The following AKR1C3 variants were observed in gnomAD, a reference collection of about 807,000 sequenced individuals.
The protein encoded by AKR1C3 is 3-alpha hydroxysteroid dehydrogenase, type II.
AKR1C3 carries 48 observed loss-of-function variants against 43.6 expected under a neutral mutation model. That is an observed-to-expected ratio of 1.10 (90% CI 0.87 to 1.40). The LOEUF (loss-of-function observed/expected upper bound fraction) is 1.40, where lower values mean the gene tolerates loss of function less well. AKR1C3 is among the 40% of genes most tolerant of loss of function. The probability of loss-of-function intolerance (pLI) is 0.00; values close to 1 mark genes in which losing one functional copy is unlikely to be tolerated. For missense variants in AKR1C3, 482 were observed against 391.2 expected (o/e 1.23, Z -1.96); for synonymous variants, 162 against 139.6 (o/e 1.16, Z -1.13).
chr10:5,055,433 G>C (rs558603514), intron 1 of AKR1C3, among the ~76,000 whole-genome samples: 1 of 152,330 alleles, frequency 6.6e-6, no homozygotes, highest in Admixed American at 6.5e-5. Flanking sequence ...TTGTCTGACA[G>C]CCATAAACTT....
intron 1 of AKR1C3, among the ~76,000 whole-genome samples, chr10:5,083,758 A>G (rs1838889842): frequency 6.6e-6 from 1 of 152,162 alleles, no homozygotes; most frequent in Admixed American, 6.5e-5. Context: ...TGACTGTTTA[A>G]TGATCACCAT....
At chr10:5,090,511 T>A (rs1374554303), upstream of AKR1C3, among the ~76,000 whole-genome samples, 1 of 152,098 alleles carries the variant, frequency 6.6e-6, no homozygotes, top group Admixed American at 6.6e-5. Context: ...TCTAAGGAAG[T>A]GATAATTGGG....
At chr10:5,057,640 T>G (rs1479668367) in intron 1 of AKR1C3, among the ~76,000 whole-genome samples, 2 of 152,224 alleles carry the variant, frequency 1.3e-5, no homozygotes, top group Non-Finnish European at 2.9e-5. Flanking sequence ...TTTTTTCTAA[T>G]TCTCCTTAGT....
At chr10:5,086,945 C>T (rs1187350946) in intron 1 of AKR1C3, among the ~76,000 whole-genome samples, 1 of 148,730 alleles carries the variant, frequency 6.7e-6, no homozygotes, top group Non-Finnish European at 1.5e-5. Flanking sequence ...CTTCCTCCAT[C>T]CCTTTATTTT....
Position 5,097,580 on chromosome 10 carries a change from G to A in AKR1C3, c.369+30G>A, listed in dbSNP as rs370856934. On this transcript the variant is annotated intron_variant, in intron 3 of 8. Coordinates refer to ENST00000380554, the MANE Select transcript of AKR1C3 (RefSeq NM_003739.6). ...GCAGTTTGTATGAGCATAAAATTGCGCTTCTGCTGTCATTATAAACATTGT... is the reference window on the plus strand; with the variant it reads ...GCAGTTTGTATGAGCATAAAATTGCACTTCTGCTGTCATTATAAACATTGT... The A allele has an allele frequency of 3.8e-5, 61 of 1,612,140 alleles. No individual in the cohort carries two copies. In the Middle Eastern group the frequency reaches 9.9e-4, roughly 26 times the overall value.
At chr10:5,080,049 G>A (rs1474181532) in intron 1 of AKR1C3, among the ~76,000 whole-genome samples, 2 of 152,098 alleles carry the variant, frequency 1.3e-5, no homozygotes, top group South Asian at 2.1e-4. Context: ...AATTGTGCAC[G>A]GCCTCTATAC....
chr10:5,050,534 A>G (rs531199324), intron 1 of AKR1C3, among the ~76,000 whole-genome samples: 1 of 151,722 alleles, frequency 6.6e-6, no homozygotes, highest in South Asian at 2.1e-4. Flanking sequence ...AGATGATGAG[A>G]TAATGTGTGA....
At chr10:5,090,517 T>G (rs1839067365), upstream of AKR1C3, among the ~76,000 whole-genome samples, 1 of 152,148 alleles carries the variant, frequency 6.6e-6, no homozygotes, top group South Asian at 2.1e-4. Context: ...GAAGTGATAA[T>G]TGGGGTAGAA....
chr10:5,053,106 C>T (rs1300550356), intron 1 of AKR1C3, among the ~76,000 whole-genome samples: 3 of 152,262 alleles, frequency 2.0e-5, no homozygotes, highest in African/African-American at 4.8e-5. Flanking sequence ...ATGCTGGGAC[C>T]GCAGGTGGAG....
At chr10:5,049,505 AGTTAC>A (rs1838108546) in intron 1 of AKR1C3, among the ~76,000 whole-genome samples, 1 of 152,228 alleles carries the variant, frequency 6.6e-6, no homozygotes, top group African/African-American at 2.4e-5. Context: ...GAACCTAACA[AGTTAC>A]GTTTAAATTA....
intron 3 of AKR1C3, among the ~76,000 whole-genome samples, chr10:5,098,370 C>A (rs375652837): frequency 5.4e-4 from 82 of 152,326 alleles, no homozygotes; most frequent in African/African-American, 1.9e-3. Flanking sequence ...CTCCCAACTT[C>A]TGCTGACCCT....
Position 5,087,956 on chromosome 10 carries a change from T to C in AKR1C3, c.85-8454T>C, listed in dbSNP as rs1339364912. Among the ~76,000 whole-genome samples the C allele has an allele frequency of 4.6e-5, 7 of 152,088 alleles. 1 individual carries two copies. The highest frequency in any genetic ancestry group is 4.6e-4 in the Admixed American group (7 of 15,262). ...GGTCTTTCTATCTTTTCAGGGAGGGTTTAACACTATAAATTTATCTCTTAG... is the reference window on the plus strand; with the variant it reads ...GGTCTTTCTATCTTTTCAGGGAGGGCTTAACACTATAAATTTATCTCTTAG... On this transcript the variant is annotated intron_variant, in intron 1 of 8. Coordinates refer to the AKR1C3 transcript ENST00000439082.
intron 7 of AKR1C3, among the ~76,000 whole-genome samples, chr10:5,103,271 CG>C (rs1839404773): frequency 6.6e-6 from 1 of 152,062 alleles, no homozygotes; most frequent in African/African-American, 2.4e-5. Flanking sequence ...TCCATTTCTT[CG>C]TACGCTCAGT....
chr10:5,097,608 A>C (rs1399220794), intron 3 of AKR1C3, 58 bp downstream of exon 3: 1 of 1,609,914 alleles, frequency 6.2e-7, no homozygotes, highest in Non-Finnish European at 8.5e-7. Context: ...AACATTGTTT[A>C]TCTGGATAGT....
rs200791410 is a variant in AKR1C3, at chr10:5,094,462, G to C, written c.18G>C (p.Gln6His). 4.6e-5 allele frequency: 74 copies of C among 1,612,410 alleles called. No individual in the cohort carries two copies. Among genetic ancestry groups the C allele is most frequent in the Non-Finnish European group, 5.7e-5 (67 of 1,178,810 alleles). MDSKHQCVKLNDGHFM... is the reference protein window; with the variant it reads MDSKHHCVKLNDGHFM... ...GACAGGGAATGGATTCCAAACACCA[G>C]TGTGTAAAGCTAAATGATGGCCACT... is the stretch of plus-strand genomic sequence containing the variant. The change falls in exon 1 of 9, where the codon CAG becomes CAC. Residue 6 changes from glutamine to histidine, a missense_variant. Coordinates refer to ENST00000380554, the MANE Select transcript of AKR1C3 (RefSeq NM_003739.6).
intron 1 of AKR1C3, among the ~76,000 whole-genome samples, chr10:5,062,179 G>A (rs188102367): frequency 2.0e-5 from 3 of 152,208 alleles, no homozygotes; most frequent in Admixed American, 2.0e-4. Flanking sequence ...TTTTGACCTG[G>A]GCACACTAAC....
intron 5 of AKR1C3, 184 bp downstream of exon 5, chr10:5,099,633 G>A: frequency 9.3e-7 from 1 of 1,074,610 alleles, no homozygotes. Flanking sequence ...AAGTATTAGG[G>A]AAAAATTGGA....
intron 1 of AKR1C3, among the ~76,000 whole-genome samples, chr10:5,076,354 T>A (rs1326068534): frequency 6.6e-6 from 1 of 152,134 alleles, no homozygotes; most frequent in Non-Finnish European, 1.5e-5. Flanking sequence ...CTCAGGTGAG[T>A]TAGTTATCGG....
chr10:5,059,157 A>C (rs1219308569), intron 1 of AKR1C3, among the ~76,000 whole-genome samples: 2 of 152,128 alleles, frequency 1.3e-5, no homozygotes, highest in African/African-American at 4.8e-5. Flanking sequence ...CCCCACTATG[A>C]TGGGGCTTTG....
Sources: gnomAD v4.1 joint callset for allele counts (sites outside exome capture counted in the v4.1 genomes callset) on GRCh38, gnomAD v4.1.1 for gene constraint, MANE v1.5 for transcripts, NCBI Gene and HGNC (gene_info 2026-07-23, HGNC 2026-07-21) for gene names.